The following TMPRSS9 variants were observed in gnomAD, a reference collection of about 807,000 sequenced individuals.
The protein encoded by TMPRSS9 is transmembrane protease serine 9.
A neutral mutation model predicts 111.4 loss-of-function variants in TMPRSS9; 113 were observed. The observed-to-expected ratio is 1.01, with a 90% CI of 0.87 to 1.19. The LOEUF (loss-of-function observed/expected upper bound fraction) is 1.19, where lower values mean the gene tolerates loss of function less well. TMPRSS9 is among the 50% of genes most tolerant of loss of function. The pLI is 0.00. For synonymous variants in TMPRSS9, 805 were observed against 659.1 expected, an observed-to-expected ratio of 1.22 and a Z score of -3.39; for missense variants, 1,803 against 1,513.1, an observed-to-expected ratio of 1.19 and a Z score of -3.18.
At chr19:2,415,414 C>T (rs867777372) in intron 10 of TMPRSS9, among the ~76,000 whole-genome samples, 4 of 151,996 alleles carry the variant, frequency 2.6e-5, no homozygotes, top group South Asian at 2.1e-4. Context: ...GGGTCTGTTG[C>T]GGGGGGTCCT....
upstream of TMPRSS9, chr19:2,389,710 A>C: frequency 1.3e-6 from 2 of 1,513,514 alleles, no homozygotes; most frequent in Non-Finnish European, 1.8e-6. Flanking sequence ...TGGGAAGAGA[A>C]GCACCTTCAG....
intron 1 of TMPRSS9, among the ~76,000 whole-genome samples, chr19:2,360,783 T>G (rs1970188812): frequency 6.6e-6 from 1 of 151,490 alleles, no homozygotes; most frequent in African/African-American, 2.4e-5. Flanking sequence ...GTGTGGTGTG[T>G]AGATGCACGT....
At chr19:2,415,872 C>A (rs752183875) in intron 11 of TMPRSS9, 31 bp downstream of exon 12, 2 of 1,543,150 alleles carry the variant, frequency 1.3e-6, no homozygotes, top group South Asian at 1.2e-5. Flanking sequence ...GAAGGCTGCC[C>A]GGCTTCCCCT....
At chr19:2,393,118 G>C (rs879329983) in intron 1 of TMPRSS9, among the ~76,000 whole-genome samples, 1 of 152,192 alleles carries the variant, frequency 6.6e-6, no homozygotes, top group Admixed American at 6.5e-5. Flanking sequence ...GGCCAGATAA[G>C]GGAATAAAAG....
exon 13 of TMPRSS9, chr19:2,418,015 G>A (rs1971290575): frequency 6.2e-7 from 1 of 1,611,532 alleles, no homozygotes; most frequent in Non-Finnish European, 8.5e-7. Context: ...CCAAGCCCGA[G>A]CTCCTGCAGA....
intron 13 of TMPRSS9, among the ~76,000 whole-genome samples, chr19:2,420,413 G>C (rs953935707): frequency 7.1e-6 from 1 of 140,178 alleles, no homozygotes; most frequent in Admixed American, 7.7e-5. Context: ...CTGCACTCCA[G>C]CCCGGGCAAC....
rs200367589 is a variant in TMPRSS9 at position 2,411,388 on chromosome 19, TTTC to T, written c.1254+1006_1254+1008del. 1.3e-3 allele frequency among the ~76,000 whole-genome samples: 178 copies of T among 136,890 alleles called. 2 individuals are homozygous for T. Among genetic ancestry groups the T allele is most frequent in the African/African-American group, 2.7e-3 (95 of 34,698 alleles). The allele number at this position is 136,890 out of a possible 152,430, so 89.8% of individuals were successfully genotyped here. A position where few individuals can be genotyped will look rare whatever the true frequency, so the allele number is the denominator to read the frequency against. ...TCTGCTGTATACCTGGAACCTTCTT[TTTC>T]TTCTTCTTCTTTTTTTTTTTTTTTG... On this transcript the variant is annotated intron_variant, in intron 9 of 17. Coordinates refer to ENST00000648592, the Ensembl canonical transcript of TMPRSS9.
At chr19:2,408,660 C>A in intron 8 of TMPRSS9, 30 bp downstream of exon 9, 1 of 1,592,270 alleles carries the variant, frequency 6.3e-7, no homozygotes, top group South Asian at 1.1e-5. Flanking sequence ...TGCAAGTGAG[C>A]TCAGGCAGGC....
At chr19:2,394,319 C>T (rs771701691) in intron 1 of TMPRSS9, among the ~76,000 whole-genome samples, 1 of 151,814 alleles carries the variant, frequency 6.6e-6, no homozygotes, top group African/African-American at 2.4e-5. Context: ...CCCATGAGGT[C>T]GAGGCTGCAG....
At chr19:2,414,108 G>C in intron 10 of TMPRSS9, 90 bp downstream of exon 11, 1 of 1,350,094 alleles carries the variant, frequency 7.4e-7, no homozygotes, top group East Asian at 2.5e-5. Flanking sequence ...TCATAATTTT[G>C]GATCTTCCTG....
intron 7 of TMPRSS9, 113 bp downstream of exon 8, chr19:2,405,658 TC>T (rs1970953336): frequency 3.5e-6 from 4 of 1,146,188 alleles, no homozygotes; most frequent in Middle Eastern, 4.2e-4. Context: ...AGTAATTTTT[TC>T]TTTTCCTTTC....
chr19:2,380,635 C>G (rs1970378843), intron 1 of TMPRSS9, among the ~76,000 whole-genome samples: 1 of 147,354 alleles, frequency 6.8e-6, no homozygotes. Flanking sequence ...CTTCCCCAGT[C>G]AAGCCTCAGA....
chr19:2,378,914 A>C (rs1367869836), intron 1 of TMPRSS9, among the ~76,000 whole-genome samples: 1 of 152,126 alleles, frequency 6.6e-6, no homozygotes, highest in Non-Finnish European at 1.5e-5. Context: ...ATAAAACCAT[A>C]AGATCTTGTG....
chr19:2,394,907 T>G (rs1484364842), intron 1 of TMPRSS9, among the ~76,000 whole-genome samples: 3 of 152,220 alleles, frequency 2.0e-5, no homozygotes, highest in African/African-American at 7.2e-5. Context: ...TGCTGCTGCT[T>G]GCATCAGCAT....
upstream of TMPRSS9, among the ~76,000 whole-genome samples, chr19:2,389,020 C>A (rs906044736): frequency 6.6e-6 from 1 of 151,656 alleles, no homozygotes; most frequent in Non-Finnish European, 1.5e-5. Context: ...TGGACCGCAG[C>A]GACCCACGGG....
chr19:2,391,667 T>A (rs1410168856), intron 1 of TMPRSS9, among the ~76,000 whole-genome samples: 2 of 151,838 alleles, frequency 1.3e-5, no homozygotes, highest in Non-Finnish European at 2.9e-5. Context: ...CTCATCTGCA[T>A]TGTAACAAAT....
Position 2,426,041 on chromosome 19 carries a change from C to T in TMPRSS9, c.3235C>T (p.Arg1079Trp), listed in dbSNP as rs376733365. Residue 1079 changes from arginine (R) to tryptophan (W), a missense_variant, in exon 18 of 18, where the codon CGG (arginine) becomes TGG (tryptophan). Physicochemically the swap from Arg to Trp is moderately radical, Grantham distance 101 (BLOSUM62 -3). Transcript: ENST00000648592. ...GCCCCACTTCCCAGGTGTCTATACC[C>T]GGGTGGCAGCTGTGAGAGGCTGGAT... 211 of 1,609,152 alleles carry T rather than the reference C, an allele frequency of 1.3e-4. No individual in the cohort carries two copies. The highest frequency in any genetic ancestry group is 1.8e-4 in the Non-Finnish European group (208 of 1,178,418).
intron 10 of TMPRSS9, among the ~76,000 whole-genome samples, chr19:2,414,941 ATTTTTT>A (rs909082554): frequency 7.9e-6 from 1 of 127,160 alleles, no homozygotes; most frequent in African/African-American, 2.9e-5. Flanking sequence ...TTGCATTCCT[ATTTTTT>A]TTTTTTTTTT....
At chr19:2,372,639 G>T (rs144012247) in intron 1 of TMPRSS9, among the ~76,000 whole-genome samples, 1 of 152,274 alleles carries the variant, frequency 6.6e-6, no homozygotes, top group African/African-American at 2.4e-5. Context: ...GTCTGAGACC[G>T]GCTGTCTCCA....
Sources: gnomAD v4.1 joint callset for allele counts (sites outside exome capture counted in the v4.1 genomes callset) on GRCh38, gnomAD v4.1.1 for gene constraint, MANE v1.5 for transcripts, NCBI Gene and HGNC (gene_info 2026-07-23, HGNC 2026-07-21) for gene names.